The following STXBP4 variants were observed in gnomAD, a reference collection of about 807,000 sequenced individuals.
STXBP4 encodes syntaxin binding protein 4.
STXBP4 carries 55 observed loss-of-function variants against 76.1 expected under a neutral mutation model. The observed-to-expected ratio is 0.72, with a 90% CI of 0.58 to 0.91. The LOEUF (loss-of-function observed/expected upper bound fraction) is 0.91, where lower values mean the gene tolerates loss of function less well. Among genes scored for constraint, STXBP4 ranks in the 40% least tolerant of loss-of-function variants. The probability of loss-of-function intolerance (pLI) is 0.00; values close to 1 mark genes in which losing one functional copy is unlikely to be tolerated. For missense variants in STXBP4, 618 were observed against 636.9 expected (o/e 0.97, Z 0.32); for synonymous variants, 201 against 220.2 (o/e 0.91, Z 0.77).
intron 16 of STXBP4, among the ~76,000 whole-genome samples, chr17:55,098,533 G>A (rs1477980912): frequency 6.6e-6 from 1 of 152,184 alleles, no homozygotes; most frequent in Non-Finnish European, 1.5e-5. Context: ...TGTGAGGCAG[G>A]AGTAAGCCAT....
the STXBP4 span, among the ~76,000 whole-genome samples, chr17:55,210,205 C>A: frequency 1.3e-5 from 2 of 152,152 alleles, no homozygotes; most frequent in Non-Finnish European, 2.9e-5. Flanking sequence ...CACAGATACA[C>A]CATATTATAA....
intron 16 of STXBP4, among the ~76,000 whole-genome samples, chr17:55,113,634 T>C (rs181727): frequency 0.21 from 31,551 of 151,214 alleles, 3,812 homozygotes; most frequent in Non-Finnish European, 0.28. Flanking sequence ...TCTGCTGATA[T>C]AAAAAAAAAG....
intron 12 of STXBP4, among the ~76,000 whole-genome samples, chr17:55,061,818 T>C (rs1410026923): frequency 3.3e-5 from 5 of 152,216 alleles, no homozygotes; most frequent in African/African-American, 1.2e-4. Flanking sequence ...CTGTAGGTTG[T>C]TCCTTCTTAT....
chr17:55,042,536 T>TA (rs2078719595), intron 10 of STXBP4, among the ~76,000 whole-genome samples: 1 of 152,166 alleles, frequency 6.6e-6, no homozygotes, highest in African/African-American at 2.4e-5. Context: ...CTTTAGTTGT[T>TA]ATAGCTTCCA....
At chr17:54,991,856 A>G (rs2077723328) in intron 4 of STXBP4, 1 of 151,820 alleles carries the variant, frequency 6.6e-6, no homozygotes, top group Admixed American at 6.6e-5. Flanking sequence ...ATATCAAGCT[A>G]TATAGCATGA....
At chr17:55,034,820 T>C (rs1231652521) in intron 10 of STXBP4, among the ~76,000 whole-genome samples, 2 of 152,094 alleles carry the variant, frequency 1.3e-5, no homozygotes, top group Non-Finnish European at 2.9e-5. Flanking sequence ...AGATTGGTTT[T>C]GCCTCTTTTT....
chr17:55,133,826 C>G lies in STXBP4; in HGVS notation c.1490-7484C>G, dbSNP rs1405919874. 2.6e-5 allele frequency among the ~76,000 whole-genome samples: 4 copies of G among 152,070 alleles called. No homozygotes were observed. The East Asian group carries it at 7.7e-4, about 29-fold the overall frequency. ...CAAGAGCTGTTTTAGCGGCATAGGG[C>G]AAATGGTAGCCTCACTAGAGTTGAT... On this transcript the variant is annotated intron_variant, in intron 16 of 17. Transcript: ENST00000376352.
chr17:55,026,750 CT>C (rs991110625), intron 8 of STXBP4, among the ~76,000 whole-genome samples: 1 of 152,194 alleles, frequency 6.6e-6, no homozygotes, highest in African/African-American at 2.4e-5. Context: ...AGTTGGCCAA[CT>C]AACCCAGGCA....
rs143161156 is a variant in STXBP4, at chr17:55,131,358, T to A, written c.1490-9952T>A. On this transcript the variant is annotated intron_variant, in intron 16 of 17. Transcript: ENST00000376352. ...CTGGTATGGGGTACTCTTAGAAACA[T>A]GGTATGGTAGTATAAAGTGAATGAC... Among the ~76,000 whole-genome samples the A allele has an allele frequency of 1.4e-3, 212 of 152,322 alleles. 1 individual carries two copies. The highest frequency in any genetic ancestry group is 4.9e-3 in the African/African-American group (203 of 41,566).
chr17:54,972,373 T>C (rs1432497088), intron 1 of STXBP4, among the ~76,000 whole-genome samples: 3 of 152,216 alleles, frequency 2.0e-5, no homozygotes, highest in Non-Finnish European at 2.9e-5. Context: ...TTTCTAATGT[T>C]ATCAGTCCTT....
At chr17:55,059,329 T>G (rs955166163) in intron 12 of STXBP4, among the ~76,000 whole-genome samples, 6 of 152,114 alleles carry the variant, frequency 3.9e-5, no homozygotes, top group Non-Finnish European at 7.4e-5. Flanking sequence ...GCCACATCAG[T>G]TACGTGTTTA....
chr17:55,196,232 G>T, the STXBP4 span, among the ~76,000 whole-genome samples: 43,843 of 151,820 alleles, frequency 0.29, 7,036 homozygotes, highest in Non-Finnish European at 0.36. Flanking sequence ...TTTCTCCCCT[G>T]CAATGGCTCT....
intron 16 of STXBP4, among the ~76,000 whole-genome samples, chr17:55,091,591 A>C (rs1269849350): frequency 6.6e-6 from 1 of 152,148 alleles, no homozygotes; most frequent in East Asian, 1.9e-4. Flanking sequence ...CAAGAGAAAA[A>C]AAACTAACAA....
intron 13 of STXBP4, among the ~76,000 whole-genome samples, chr17:55,076,595 T>C (rs923754780): frequency 6.6e-6 from 1 of 152,206 alleles, no homozygotes; most frequent in Non-Finnish European, 1.5e-5. Context: ...TTGGCTTCAA[T>C]GTTCAGCAGT....
intron 1 of STXBP4, among the ~76,000 whole-genome samples, chr17:54,982,161 T>A (rs2077559398): frequency 6.6e-6 from 1 of 152,224 alleles, no homozygotes; most frequent in African/African-American, 2.4e-5. Flanking sequence ...CTATAATTTC[T>A]GGCAGAAGAT....
In STXBP4 at chr17:55,043,148, C is replaced by T. The variant is rs907057951; in HGVS notation, c.856-88C>T. On this transcript the variant is annotated intron_variant, in intron 10 of 17. Transcript: ENST00000376352. The stretch of plus-strand genomic sequence containing the variant: ...GAATTTTGTTATTAGAATACAGAAG[C>T]CTAAGATTAGTCAAAAATGATTTTT... 1.9e-4 allele frequency: 104 copies of T among 560,004 alleles called. 1 individual carries two copies. The highest frequency in any genetic ancestry group is 1.8e-3 in the African/African-American group (91 of 50,980). The allele number at this position is 560,004 out of a possible 1,614,324, so 34.7% of individuals were successfully genotyped here. A position where few individuals can be genotyped will look rare whatever the true frequency, so the allele number is the denominator to read the frequency against.
At chr17:55,124,210 G>A (rs553445338) in intron 16 of STXBP4, among the ~76,000 whole-genome samples, 1 of 152,268 alleles carries the variant, frequency 6.6e-6, no homozygotes, top group South Asian at 2.1e-4. Context: ...AGGTCCAAAT[G>A]ATAAGACAGG....
At chr17:55,097,011 G>GA (rs971161686) in intron 16 of STXBP4, among the ~76,000 whole-genome samples, 3 of 151,580 alleles carry the variant, frequency 2.0e-5, no homozygotes, top group Admixed American at 6.6e-5. Context: ...TTTGTTGAAT[G>GA]AAAAAAAATG....
intron 8 of STXBP4, among the ~76,000 whole-genome samples, chr17:55,026,458 C>G (rs2078417363): frequency 6.6e-6 from 1 of 152,122 alleles, no homozygotes; most frequent in East Asian, 1.9e-4. Context: ...AACATAGGAA[C>G]TTAACAGGAA....
Sources: gnomAD v4.1 joint callset for allele counts (sites outside exome capture counted in the v4.1 genomes callset) on GRCh38, gnomAD v4.1.1 for gene constraint, MANE v1.5 for transcripts, NCBI Gene and HGNC (gene_info 2026-07-23, HGNC 2026-07-21) for gene names.